Variants in SHROOM3 observed in about 807,000 individuals in gnomAD.
SHROOM3 encodes shroom family member 3.
In SHROOM3, 47 loss-of-function variants were observed where a neutral mutation model predicts 138.6. The ratio of observed to expected loss-of-function variants is 0.34; its 90% CI spans 0.27 to 0.43. The LOEUF (loss-of-function observed/expected upper bound fraction) is 0.43. SHROOM3 is among the 20% of genes least tolerant of loss of function. SHROOM3 has a pLI of 1.00. For missense variants in SHROOM3, 2,491 were observed against 2,596.5 expected (o/e 0.96, Z 0.88); for synonymous variants, 1,062 against 1,063.3 (o/e 1.00, Z 0.02).
At chr4:76,718,849 T>G (rs1720455478) in intron 3 of SHROOM3, among the ~76,000 whole-genome samples, 1 of 152,180 alleles carries the variant, frequency 6.6e-6, no homozygotes. Flanking sequence ...GCAATTTAAT[T>G]TATTCTTGGC....
At chr4:76,661,331 G>A (rs1736180646) in intron 2 of SHROOM3, among the ~76,000 whole-genome samples, 2 of 151,828 alleles carry the variant, frequency 1.3e-5, no homozygotes, top group Middle Eastern at 3.4e-3. Context: ...CTGGGTTCAC[G>A]CCATTCTCCT....
chr4:76,565,177 A>AG (rs1184617816), intron 2 of SHROOM3, among the ~76,000 whole-genome samples: 1 of 151,572 alleles, frequency 6.6e-6, no homozygotes, highest in African/African-American at 2.4e-5. Context: ...AAAAAAAAAA[A>AG]AAAAAGAATG....
intron 2 of SHROOM3, among the ~76,000 whole-genome samples, chr4:76,590,960 A>G (rs557244353): frequency 2.0e-5 from 3 of 152,326 alleles, no homozygotes; most frequent in East Asian, 1.9e-4. Flanking sequence ...TAATTTTACC[A>G]TGATGATGTA....
rs959822681 is a variant in SHROOM3 at position 76,763,457 on chromosome 4, T to A, written c.5349+3762T>A. On this transcript the variant is annotated intron_variant, in intron 9 of 10. Transcript: ENST00000296043. ...GCACACACCTGTGGTCTGAGCTACT[T>A]GGGAGGCTGAGGTGGGAGGATCGCT... Among the ~76,000 whole-genome samples the A allele has an allele frequency of 1.3e-4, 20 of 151,922 alleles. No individual in the cohort carries two copies. The South Asian group carries it at 3.3e-3, about 25-fold the overall frequency.
At chr4:76,765,389 G>A (rs553210328) in intron 9 of SHROOM3, among the ~76,000 whole-genome samples, 109 of 151,924 alleles carry the variant, frequency 7.2e-4, no homozygotes, top group African/African-American at 1.7e-3. Context: ...GTGGTAATGC[G>A]TGCCTGTAAT....
chr4:76,570,187 A>G (rs1439840007), intron 2 of SHROOM3, among the ~76,000 whole-genome samples: 4 of 150,894 alleles, frequency 2.7e-5, no homozygotes, highest in Non-Finnish European at 4.4e-5. Flanking sequence ...ACACACACGC[A>G]CACCAGTACT....
At chr4:76,541,987 C>T (rs1190079479) in intron 1 of SHROOM3, among the ~76,000 whole-genome samples, 1 of 152,132 alleles carries the variant, frequency 6.6e-6, no homozygotes, top group Non-Finnish European at 1.5e-5. Context: ...GCAGATGTTA[C>T]TTCTCTTGAG....
chr4:76,731,674 G>A (rs1439418102), intron 4 of SHROOM3, among the ~76,000 whole-genome samples: 2 of 151,894 alleles, frequency 1.3e-5, no homozygotes, highest in Non-Finnish European at 1.5e-5. Flanking sequence ...CCAGCTACTC[G>A]GGAGGCTGAG....
intron 2 of SHROOM3, among the ~76,000 whole-genome samples, chr4:76,591,770 G>A (rs2110049369): frequency 6.6e-6 from 1 of 152,238 alleles, no homozygotes; most frequent in East Asian, 1.9e-4. Context: ...TTTCTATAAA[G>A]TCCTGACTCA....
intron 2 of SHROOM3, among the ~76,000 whole-genome samples, chr4:76,678,118 C>A (rs1406748547): frequency 6.6e-6 from 1 of 152,138 alleles, no homozygotes; most frequent in Non-Finnish European, 1.5e-5. Flanking sequence ...AGACTGCCAA[C>A]AAAAGTAAAC....
rs140294060 is a variant in SHROOM3 at position 76,591,649 on chromosome 4, C to T, written c.323+35886C>T. 4.8e-3 allele frequency among the ~76,000 whole-genome samples: 734 copies of T among 152,048 alleles called. 3 individuals are homozygous for T. Among genetic ancestry groups the T allele is most frequent in the African/African-American group, 0.017 (703 of 41,408 alleles). On this transcript the variant is annotated intron_variant, in intron 2 of 10. Transcript: ENST00000296043. The stretch of plus-strand genomic sequence containing the variant: ...TAGTAATGGCGCCAACCTCTATTTA[C>T]GTGTTATTTAGATCTATTACATTGC...
intron 9 of SHROOM3, among the ~76,000 whole-genome samples, chr4:76,764,887 C>G (rs1397063677): frequency 1.3e-5 from 2 of 152,172 alleles, no homozygotes; most frequent in African/African-American, 2.4e-5. Flanking sequence ...TCACCAAATT[C>G]TGGAAGTTTT....
At chr4:76,502,400 A>G (rs996355675) in intron 1 of SHROOM3, among the ~76,000 whole-genome samples, 1 of 152,170 alleles carries the variant, frequency 6.6e-6, no homozygotes, top group African/African-American at 2.4e-5. Context: ...TCAGAAGCAG[A>G]GGCCACATTC....
At chr4:76,773,469 T>G (rs1722441422) in intron 10 of SHROOM3, among the ~76,000 whole-genome samples, 1 of 147,098 alleles carries the variant, frequency 6.8e-6, no homozygotes, top group African/African-American at 2.5e-5. Context: ...TCAAAGAAGG[T>G]GTGGGAAGGA....
intron 2 of SHROOM3, among the ~76,000 whole-genome samples, chr4:76,695,069 T>C (rs77571245): frequency 0.02 from 3,020 of 152,338 alleles, 116 homozygotes; most frequent in African/African-American, 0.069. Context: ...GCCCTGCTTA[T>C]GGCTGCATGC....
At position 76,605,441 on chromosome 4, in the gene SHROOM3, C is replaced by T. The variant is rs1337872759; in HGVS notation, c.323+49678C>T. ...CACCATAAATTAGATTTGAACTAGG[C>T]ATGCCTTTTAGCCTCAACACATCCC... On this transcript the variant is annotated intron_variant, in intron 2 of 10. Transcript: ENST00000296043. Among the ~76,000 whole-genome samples, 4 of 152,172 alleles carry T rather than the reference C, an allele frequency of 2.6e-5. No individual in the cohort carries two copies. In the East Asian group the frequency reaches 7.7e-4, roughly 29 times the overall value.
At chr4:76,564,894 G>T (rs1441006061) in intron 2 of SHROOM3, among the ~76,000 whole-genome samples, 1 of 151,874 alleles carries the variant, frequency 6.6e-6, no homozygotes, top group African/African-American at 2.4e-5. Flanking sequence ...GGGTGCGGTG[G>T]CTCATGCCTG....
At chr4:76,472,429 TGGAGA>T (rs1414463276) in intron 1 of SHROOM3, among the ~76,000 whole-genome samples, 2 of 152,226 alleles carry the variant, frequency 1.3e-5, no homozygotes, top group East Asian at 3.9e-4. Flanking sequence ...AGTCTTGTCA[TGGAGA>T]GGAGAGGATG....
In SHROOM3 at chr4:76,774,795, T is replaced by C. The variant is rs1291905496; in HGVS notation, c.5622+3897T>C. Among the ~76,000 whole-genome samples, 19 of 151,304 alleles carry C rather than the reference T, an allele frequency of 1.3e-4. 1 individual carries two copies. ...TGCCAATAAGCCTGTAATTCTTCAC[T>C]TTTCCCCCAGGCATTATTATGTAAG... On this transcript the variant is annotated intron_variant, in intron 10 of 10. Coordinates refer to ENST00000296043, the MANE Select transcript of SHROOM3 (RefSeq NM_020859.4).
Sources: allele counts gnomAD v4.1 joint callset (sites outside exome capture counted in the v4.1 genomes callset), GRCh38; gene constraint gnomAD v4.1.1; transcripts MANE v1.5; gene names NCBI Gene and HGNC (gene_info 2026-07-23, HGNC 2026-07-21).